YME1L1: variants seen among roughly 807,000 people sequenced by gnomAD.
YME1L1 encodes ATP-dependent zinc metalloprotease YME1L1.
YME1L1 carries 39 observed loss-of-function variants against 90.4 expected under a neutral mutation model. That is an observed-to-expected ratio of 0.43 (90% confidence interval 0.33 to 0.56). The LOEUF (loss-of-function observed/expected upper bound fraction) is 0.56, where lower values mean the gene tolerates loss of function less well. Among genes scored for constraint, YME1L1 ranks in the 20% least tolerant of loss-of-function variants. The probability of loss-of-function intolerance (pLI) is 0.03; values close to 1 mark genes in which losing one functional copy is unlikely to be tolerated. For synonymous variants in YME1L1, 284 were observed against 287.3 expected (o/e 0.99, Z 0.12); for missense variants, 617 against 868.4 (o/e 0.71, Z 3.64).
intron 3 of YME1L1, among the ~76,000 whole-genome samples, chr10:27,143,476 G>T (rs549060925): frequency 2.0e-5 from 3 of 151,830 alleles, no homozygotes; most frequent in Non-Finnish European, 4.4e-5. Flanking sequence ...GAGGCGGGCG[G>T]ATCACGAGGT....
At chr10:27,149,196 C>T (rs1025632708) in intron 1 of YME1L1, among the ~76,000 whole-genome samples, 156 bp from the exon 2 acceptor site, 7 of 151,894 alleles carry the variant, frequency 4.6e-5, no homozygotes, top group East Asian at 1.9e-4. Flanking sequence ...GCTGGTGAGA[C>T]GAAAACTGGT....
intron 11 of YME1L1, among the ~76,000 whole-genome samples, chr10:27,122,469 C>T (rs1015594834): frequency 6.6e-6 from 1 of 152,134 alleles, no homozygotes; most frequent in Non-Finnish European, 1.5e-5. Flanking sequence ...AAATCTGCCA[C>T]AACACTCAAA....
rs1290442325 is a variant in YME1L1 at position 27,136,313 on chromosome 10, A to G, written c.503T>C (p.Leu168Ser). 2 of 1,613,626 alleles carry G rather than the reference A, an allele frequency of 1.2e-6. No individual in the cohort carries two copies. Among genetic ancestry groups the G allele is most frequent in the Non-Finnish European group, 1.7e-6 (2 of 1,179,898 alleles). Residue 168 changes from leucine to serine, a missense_variant, in exon 5 of 19, where the codon TTA becomes TCA. This residue lies in a region of YME1L1 where 311 missense variants were observed against 335.8 expected (regional missense o/e 0.93). Transcript: ENST00000376016. ...TGGCGCTATATTCTGTGTTTCAGCT[A>G]ATCTCTCGGAGGTAGACTGGAGACG... ...TRRLQSTSER[L>S]AETQNIAPSF...
intron 7 of YME1L1, 76 bp from the exon 8 acceptor site, chr10:27,132,017 A>G (rs528746455): frequency 1.6e-6 from 2 of 1,216,340 alleles, no homozygotes; most frequent in Non-Finnish European, 2.3e-6. Context: ...AGATGCAAGA[A>G]AGCAAAGCCT....
At chr10:27,148,789 A>G in intron 2 of YME1L1, 117 bp downstream of exon 2, 1 of 1,397,828 alleles carries the variant, frequency 7.2e-7, no homozygotes, top group Non-Finnish European at 9.8e-7. Flanking sequence ...TCAGGAGTCA[A>G]AAATTATACT....
At chr10:27,127,850 G>T (rs2056936771) in intron 8 of YME1L1, among the ~76,000 whole-genome samples, 1 of 152,036 alleles carries the variant, frequency 6.6e-6, no homozygotes, top group Non-Finnish European at 1.5e-5. Context: ...AAACTTCAAT[G>T]AAATTTATGG....
At chr10:27,127,977 G>A (rs2056938189) in intron 8 of YME1L1, among the ~76,000 whole-genome samples, 1 of 152,150 alleles carries the variant, frequency 6.6e-6, no homozygotes, top group Non-Finnish European at 1.5e-5. Flanking sequence ...ATTTTAAGCT[G>A]TAGGAATAAA....
At chr10:27,119,020 T>C (rs2135846701) in intron 14 of YME1L1, among the ~76,000 whole-genome samples, 1 of 152,346 alleles carries the variant, frequency 6.6e-6, no homozygotes, top group East Asian at 1.9e-4. Flanking sequence ...GAGACAAAAC[T>C]AATAAATGTG....
chr10:27,126,554 A>G (rs2135860997), intron 9 of YME1L1, 142 bp downstream of exon 9: 2 of 526,468 alleles, frequency 3.8e-6, no homozygotes, highest in South Asian at 5.9e-5. Flanking sequence ...TTGTATGTTC[A>G]GAATGAACAT....
chr10:27,129,447 A>G (rs2056955416), intron 8 of YME1L1: 1 of 152,264 alleles, frequency 6.6e-6, no homozygotes, highest in Admixed American at 6.5e-5. Context: ...CTGAAAAAAC[A>G]TGGTTATGTA....
In YME1L1 at chr10:27,134,881, C is replaced by G. The variant is rs764012646; in HGVS notation, c.641G>C (p.Gly214Ala). The G allele has an allele frequency of 3.1e-6, 5 of 1,614,046 alleles. No individual in the cohort carries two copies. In the Admixed American group the frequency reaches 6.7e-5, roughly 22 times the overall value. The change falls in exon 6 of 19, where the codon GGT (glycine) becomes GCT (alanine). Residue 214 changes from glycine (G) to alanine (A), a missense_variant. By Grantham distance (60) the Gly-to-Ala change is moderately conservative. Around this residue, in one of 4 missense-constraint regions of YME1L1, gnomAD observed 311 missense variants for 335.8 expected, o/e 0.93. Coordinates refer to ENST00000376016, the MANE Select transcript of YME1L1 (RefSeq NM_014263.4). ...AGCTTTCAGAAAACCTTCCGCAAAA[C>G]CAGTTTTAAATGCATCTTGGTGAGC... ...PEAHQDAFKT[G>A]FAEGFLKAQA...
At chr10:27,149,985 A>G (rs933715884) in intron 1 of YME1L1, among the ~76,000 whole-genome samples, 7 of 152,072 alleles carry the variant, frequency 4.6e-5, no homozygotes, top group African/African-American at 1.7e-4. Context: ...CAGAGGCAGG[A>G]GAATCACTCG....
Position 27,111,189 on chromosome 10 carries a change from G to A in YME1L1, c.*788C>T, listed in dbSNP as rs1307473374. ...TCCTGCCTTGGCCCCCAGAGTAGCTGGGATTATAAGCACCTGCCACCATGC... is the reference window on the plus strand; with the variant it reads ...TCCTGCCTTGGCCCCCAGAGTAGCTAGGATTATAAGCACCTGCCACCATGC... On this transcript the variant is annotated 3_prime_UTR_variant, in exon 19 of 19. Coordinates refer to ENST00000376016, the MANE Select transcript of YME1L1 (RefSeq NM_014263.4). 1 of 152,394 alleles carries A rather than the reference G, an allele frequency of 6.6e-6. No individual in the cohort carries two copies. Among genetic ancestry groups the A allele is most frequent in the African/African-American group, 2.4e-5 (1 of 41,430 alleles). The allele number at this position is 152,394 out of a possible 1,614,324, so 9.4% of individuals were successfully genotyped here. A position where few individuals can be genotyped will look rare whatever the true frequency, so the allele number is the denominator to read the frequency against.
intron 4 of YME1L1, among the ~76,000 whole-genome samples, chr10:27,138,403 T>C (rs1479734911): frequency 6.6e-6 from 1 of 152,136 alleles, no homozygotes; most frequent in Non-Finnish European, 1.5e-5. Flanking sequence ...CTTTACAAAT[T>C]TGGGTGTAAA....
rs536500780 is a variant in YME1L1, at chr10:27,142,541, T to A, written c.332-56A>T. 28 of 798,138 alleles carry A rather than the reference T, an allele frequency of 3.5e-5. No individual in the cohort carries two copies. In the East Asian group the frequency reaches 7.9e-4, roughly 23 times the overall value. The allele number at this position is 798,138 out of a possible 1,614,324, so 49.4% of individuals were successfully genotyped here. ...TAATTTCCAAACCAAAAAACAAAAA[T>A]CCTATGAAATATAAATAATTCTATC... On this transcript the variant is annotated intron_variant, in intron 3 of 18. Coordinates refer to ENST00000376016, the MANE Select transcript of YME1L1 (RefSeq NM_014263.4).
At position 27,116,312 on chromosome 10, in the gene YME1L1, C is replaced by A; in HGVS notation, c.1753G>T (p.Glu585Ter). Reference sequence around the variant, plus strand: ...TGTGCAAGCAGCTGGGCTCTAGTTTCATTCCATCTGTCATTCTCAGGTAAC... The same window carrying A: ...TGTGCAAGCAGCTGGGCTCTAGTTTAATTCCATCTGTCATTCTCAGGTAAC... ...SLLPENDRWN[E>*]TRAQLLAQMD... The change falls in exon 16 of 19, where the codon GAA becomes TAA. Residue 585 changes from glutamate (E) to a stop codon, truncating the protein, a stop_gained. Transcript: ENST00000376016. LOFTEE classifies it high-confidence loss of function. 6.2e-7 allele frequency: 1 copy of A among 1,614,136 alleles called. No homozygotes were observed. Among genetic ancestry groups the A allele is most frequent in the East Asian group, 2.2e-5 (1 of 44,878 alleles).
At chr10:27,127,689 T>C (rs2056934899) in intron 8 of YME1L1, among the ~76,000 whole-genome samples, 1 of 152,192 alleles carries the variant, frequency 6.6e-6, no homozygotes, top group Admixed American at 6.5e-5. Context: ...TGTATGGTAT[T>C]AGACAGGAAA....
rs1371539092 is a variant in YME1L1 at position 27,148,970 on chromosome 10, C to T, written c.104G>A (p.Gly35Glu). 2 of 1,613,986 alleles carry T rather than the reference C, an allele frequency of 1.2e-6. No individual in the cohort carries two copies. Among genetic ancestry groups the T allele is most frequent in the Non-Finnish European group, 1.7e-6 (2 of 1,179,936 alleles). The change falls in exon 2 of 19, where the codon GGA becomes GAA. Residue 35 changes from glycine to glutamate, a missense_variant. By Grantham distance (98) the Gly-to-Glu change is moderately conservative. This residue lies in a region of YME1L1 where 311 missense variants were observed against 335.8 expected (regional missense o/e 0.93). Coordinates refer to ENST00000376016, the MANE Select transcript of YME1L1 (RefSeq NM_014263.4). ...TPKNTSVSLS[G>E]VSVSQNQHRD... ...ATGCTGGTTTTGAGAAACTGACACT[C>T]CACTGAGAGAAACAGAAGTGTTTTT...
intron 9 of YME1L1, among the ~76,000 whole-genome samples, chr10:27,124,534 T>A (rs534202135): frequency 1.3e-5 from 2 of 152,270 alleles, no homozygotes; most frequent in East Asian, 3.9e-4. Context: ...ATAAAAAAAA[T>A]TTTAAAGAAA....
Sources: gnomAD v4.1 joint callset for allele counts (sites outside exome capture counted in the v4.1 genomes callset) on GRCh38, gnomAD v4.1.1 for gene constraint, gnomAD v4.1.1 regional missense constraint, MANE v1.5 for transcripts, NCBI Gene and HGNC (gene_info 2026-07-23, HGNC 2026-07-21) for gene names.